Variants in MIEF1 observed in about 807,000 individuals in gnomAD.
The protein encoded by MIEF1 is mitochondrial dynamics protein MIEF1.
In MIEF1, 14 loss-of-function variants were observed where a neutral mutation model predicts 35.1. The ratio of observed to expected loss-of-function variants is 0.40; its 90% CI spans 0.26 to 0.62. The LOEUF is 0.62. MIEF1 is among the 20% of genes least tolerant of loss of function. MIEF1 has a pLI of 0.43. For synonymous variants in MIEF1, 245 were observed against 254.3 expected (o/e 0.96, Z 0.35); for missense variants, 542 against 615.4 (o/e 0.88, Z 1.26).
In MIEF1 at chr22:39,515,425, GC is replaced by G; in HGVS notation, c.*1103del. 1.4e-6 allele frequency: 1 copy of G among 695,002 alleles called. No homozygotes were observed. The allele number at this position is 695,002 out of a possible 1,614,324, so 43.1% of individuals were successfully genotyped here. On this transcript the variant is annotated 3_prime_UTR_variant, in exon 6 of 6. Coordinates refer to ENST00000325301, the MANE Select transcript of MIEF1 (RefSeq NM_019008.6). ...CCAACAGCCAGCCCTTCATCCTCCA[GC>G]GTCTGCCATAGGAATGTGAGAGGGG...
chr22:39,511,971 G>A lies in MIEF1; in HGVS notation c.267G>A (p.Thr89=), dbSNP rs181623225. Residue 89 remains threonine (T), a synonymous_variant, in exon 4 of 6, where the codon ACG becomes ACA. Transcript: ENST00000325301. Reference sequence around the variant, plus strand: ...GACTGCTGAACAGGGACATGAAGACGGGCCTGAGCCGGTCCTTGCAGACCC... The same window carrying A: ...GACTGCTGAACAGGGACATGAAGACAGGCCTGAGCCGGTCCTTGCAGACCC... ...SPRLLNRDMK[T]GLSRSLQTLP... 9.3e-6 allele frequency: 15 copies of A among 1,614,142 alleles called. No individual in the cohort carries two copies. In the Admixed American group the frequency reaches 1.3e-4, roughly 14 times the overall value.
chr22:39,501,968 T>C (rs1345191102), upstream of MIEF1: 1 of 152,432 alleles, frequency 6.6e-6, no homozygotes, highest in Non-Finnish European at 1.5e-5. Context: ...GATCAGCATA[T>C]ACAGTACAGG....
intron 2 of MIEF1, among the ~76,000 whole-genome samples, chr22:39,505,087 A>C (rs1330601591): frequency 6.6e-6 from 1 of 151,996 alleles, no homozygotes; most frequent in Admixed American, 6.6e-5. Flanking sequence ...CCAGCTACTC[A>C]GGAGGCTGAG....
At position 39,514,301 on chromosome 22, in the gene MIEF1, C is replaced by T. The variant is rs1183818696; in HGVS notation, c.1370C>T (p.Pro457Leu). Reference protein sequence around the residue: ...GYTLYCSLSEPEVLLQT With the variant: ...GYTLYCSLSELEVLLQT ...ACTCTGTATTGCTCATTGTCTGAGC[C>T]AGAGGTGCTGCTGCAGACGTAGGGC... The change falls in exon 6 of 6, where the codon CCA becomes CTA. Residue 457 changes from proline to leucine, a missense_variant. Pro to Leu is a moderately conservative substitution (Grantham distance 98, BLOSUM62 -3). Coordinates refer to ENST00000325301, the MANE Select transcript of MIEF1 (RefSeq NM_019008.6). The T allele has an allele frequency of 1.9e-6, 3 of 1,613,598 alleles. No homozygotes were observed. In the South Asian group the frequency reaches 3.3e-5, roughly 18 times the overall value.
rs1355884618 is a variant in MIEF1, at chr22:39,512,794, G to A, written c.585+300G>A. Among the ~76,000 whole-genome samples the A allele has an allele frequency of 1.3e-5, 2 of 151,344 alleles. 1 individual carries two copies. The highest frequency in any genetic ancestry group is 4.9e-5 in the African/African-American group (2 of 41,182). ...TCCGAGTAGCTGGGATTACAGGTGT[G>A]TGCCACCACTCCTGGCTAATTTTTT... On this transcript the variant is annotated intron_variant, in intron 5 of 5. Transcript: ENST00000325301.
chr22:39,508,289 G>A (rs981839819), intron 2 of MIEF1, among the ~76,000 whole-genome samples: 5 of 152,106 alleles, frequency 3.3e-5, no homozygotes, highest in Admixed American at 2.0e-4. Flanking sequence ...TAAAACCCAC[G>A]CTCTGTTCTG....
At chr22:39,507,684 T>C (rs1930114444) in intron 2 of MIEF1, among the ~76,000 whole-genome samples, 1 of 151,582 alleles carries the variant, frequency 6.6e-6, no homozygotes. Flanking sequence ...GCCAACATGG[T>C]GAAACCCTGT....
intron 2 of MIEF1, among the ~76,000 whole-genome samples, chr22:39,505,057 G>C (rs980519930): frequency 2.0e-5 from 3 of 151,886 alleles, no homozygotes; most frequent in Admixed American, 2.0e-4. Flanking sequence ...AGGCGGGCAT[G>C]GTGGCGCATG....
chr22:39,505,680 AT>A (rs1033910939), intron 2 of MIEF1, among the ~76,000 whole-genome samples: 12 of 152,042 alleles, frequency 7.9e-5, no homozygotes, highest in South Asian at 2.1e-4. Flanking sequence ...ACATAGCCAC[AT>A]TTGTATCGTA....
rs373045411 is a variant in MIEF1, at chr22:39,507,496, T to C, written c.-8+2962T>C. On this transcript the variant is annotated intron_variant, in intron 2 of 5. Coordinates refer to ENST00000325301, the MANE Select transcript of MIEF1 (RefSeq NM_019008.6). Reference sequence around the variant, plus strand: ...TCCTGACCTCGTGATCTGCCCACCTTGGCCTCCCAAAGTGTTGGGATTACA... The same window carrying C: ...TCCTGACCTCGTGATCTGCCCACCTCGGCCTCCCAAAGTGTTGGGATTACA... Among the ~76,000 whole-genome samples, 18 of 151,670 alleles carry C rather than the reference T, an allele frequency of 1.2e-4. No homozygotes were observed. In the East Asian group the frequency reaches 2.0e-3, roughly 17 times the overall value.
intron 2 of MIEF1, among the ~76,000 whole-genome samples, chr22:39,506,371 C>T (rs1601743967): frequency 6.6e-6 from 1 of 152,136 alleles, no homozygotes; most frequent in African/African-American, 2.4e-5. Context: ...TAGATTAGTT[C>T]TCCGCACCGC....
intron 4 of MIEF1, 78 bp from the exon 5 acceptor site, chr22:39,512,154 T>G: frequency 6.4e-7 from 1 of 1,565,066 alleles, no homozygotes; most frequent in Non-Finnish European, 8.6e-7. Flanking sequence ...TGCCAGGCCC[T>G]TCTTTCTGGG....
intron 2 of MIEF1, 93 bp from the exon 3 acceptor site, chr22:39,511,195 A>C (rs1930310814): frequency 6.5e-7 from 1 of 1,529,870 alleles, no homozygotes; most frequent in Non-Finnish European, 8.9e-7. Flanking sequence ...TGGAACTCAC[A>C]GAGTACCCTG....
chr22:39,513,484 A>C, intron 5 of MIEF1, 33 bp from the exon 6 acceptor site: 1 of 1,597,912 alleles, frequency 6.3e-7, no homozygotes. Flanking sequence ...AACAGAGTAA[A>C]CCCTCAAAAC....
In MIEF1 at chr22:39,512,303, C is replaced by T. The variant is rs757326981; in HGVS notation, c.394C>T (p.Arg132Cys). 8 of 1,614,234 alleles carry T rather than the reference C, an allele frequency of 5.0e-6. No homozygotes were observed. Among genetic ancestry groups the T allele is most frequent in the African/African-American group, 2.7e-5 (2 of 75,082 alleles). Residue 132 changes from arginine to cysteine, a missense_variant, in exon 5 of 6, where the codon CGC (arginine) becomes TGC (cysteine). Coordinates refer to ENST00000325301, the MANE Select transcript of MIEF1 (RefSeq NM_019008.6). ...GQVDLKKSRL[R>C]MSLQEKLLTY... ...GGTAGACTTGAAGAAGTCACGACTCCGCATGTCCCTGCAGGAGAAACTTCT... is the reference window on the plus strand; with the variant it reads ...GGTAGACTTGAAGAAGTCACGACTCTGCATGTCCCTGCAGGAGAAACTTCT...
intron 2 of MIEF1, among the ~76,000 whole-genome samples, chr22:39,510,043 C>T (rs767190880): frequency 6.6e-6 from 1 of 152,050 alleles, no homozygotes; most frequent in Non-Finnish European, 1.5e-5. Flanking sequence ...ACTGCAACCT[C>T]CGCCTTCCGG....
At chr22:39,511,234 A>G (rs1288949822) in intron 2 of MIEF1, 54 bp from the exon 3 acceptor site, 2 of 1,606,462 alleles carry the variant, frequency 1.2e-6, no homozygotes, top group Admixed American at 1.7e-5. Context: ...TTGTTAGGGG[A>G]GGGAGGTTCT....
Position 39,515,249 on chromosome 22 carries a change from G to C in MIEF1, c.*926G>C. The C allele has an allele frequency of 1.4e-6, 1 of 716,598 alleles. No individual in the cohort carries two copies. Among genetic ancestry groups the C allele is most frequent in the Non-Finnish European group, 2.6e-6 (1 of 384,784 alleles). The allele number at this position is 716,598 out of a possible 1,614,324, so 44.4% of individuals were successfully genotyped here. ...AATCAGGACAAGGCCTTGAAGGAACGCAGCCTTAGACATCAGGTGAGGATG... is the reference window on the plus strand; with the variant it reads ...AATCAGGACAAGGCCTTGAAGGAACCCAGCCTTAGACATCAGGTGAGGATG... On this transcript the variant is annotated 3_prime_UTR_variant, in exon 6 of 6. Transcript: ENST00000325301.
intron 2 of MIEF1, among the ~76,000 whole-genome samples, chr22:39,507,082 T>C (rs1367804387): frequency 6.6e-6 from 1 of 152,114 alleles, no homozygotes; most frequent in Admixed American, 6.5e-5. Context: ...GAGCGTGTCA[T>C]GGAGAAGCAG....
Sources: gnomAD v4.1 joint callset for allele counts (sites outside exome capture counted in the v4.1 genomes callset) on GRCh38, gnomAD v4.1.1 for gene constraint, MANE v1.5 for transcripts, NCBI Gene and HGNC (gene_info 2026-07-23, HGNC 2026-07-21) for gene names.